Variants in SMARCB1 observed in about 807,000 individuals in gnomAD.
SMARCB1 encodes SWI/SNF related BAF chromatin remodeling complex subunit B1.
Under a neutral mutation model 49.0 loss-of-function variants are expected in SMARCB1, and 5 were observed. The ratio of observed to expected loss-of-function variants is 0.10; its 90% CI spans 0.05 to 0.21. The LOEUF (loss-of-function observed/expected upper bound fraction) is 0.21. SMARCB1 is among the 10% of genes least tolerant of loss of function. The pLI, the probability that SMARCB1 is intolerant of heterozygous loss-of-function variation, is 1.00. For synonymous variants in SMARCB1, 201 were observed against 200.1 expected, an observed-to-expected ratio of 1.00 and a Z score of -0.04; for missense variants, 226 against 509.2, an observed-to-expected ratio of 0.44 and a Z score of 5.35.
Position 23,791,749 on chromosome 22 carries a change from C to T in SMARCB1, c.94-7C>T. On this transcript the variant is annotated splice_region_variant and splice_polypyrimidine_tract_variant and intron_variant, in intron 1 of 8. Transcript: ENST00000644036. Reference sequence around the variant, plus strand: ...CCTTATAATGAGCCTTCTTGCTTTACTCATAGGTGGGAAACTACCTCCGTA... The same window carrying T: ...CCTTATAATGAGCCTTCTTGCTTTATTCATAGGTGGGAAACTACCTCCGTA... 1 of 1,613,754 alleles carries T rather than the reference C, an allele frequency of 6.2e-7. No homozygotes were observed. Among genetic ancestry groups the T allele is most frequent in the Non-Finnish European group, 8.5e-7 (1 of 1,179,806 alleles).
chr22:23,792,943 G>C (rs1267139483), intron 2 of SMARCB1: 1 of 172,452 alleles, frequency 5.8e-6, no homozygotes, highest in African/African-American at 2.4e-5. Context: ...CCACAGACAG[G>C]TAGCTCTTGA....
chr22:23,796,599 G>A (rs1393975155), intron 3 of SMARCB1, among the ~76,000 whole-genome samples: 1 of 152,224 alleles, frequency 6.6e-6, no homozygotes, highest in African/African-American at 2.4e-5. Context: ...ACAGACGTGT[G>A]CTTTGCAGAT....
rs57388034 is a variant in SMARCB1 at position 23,835,345 on chromosome 22, A to G, written c.*1165A>G. On this transcript the variant is annotated 3_prime_UTR_variant, in exon 9 of 9. Coordinates refer to ENST00000644036, the MANE Select transcript of SMARCB1 (RefSeq NM_003073.5). ...GGGCACAGATCCGGGCACAGATCCC[A>G]GCACAGACTGCTGCCACCCTCAGCT... 0.014 allele frequency: 14,318 copies of G among 997,594 alleles called. 1,572 individuals carry two copies. In the African/African-American group the frequency reaches 0.23, roughly 16 times the overall value. The allele number at this position is 997,594 out of a possible 1,614,324, so 61.8% of individuals were successfully genotyped here. A position where few individuals can be genotyped will look rare whatever the true frequency, so the allele number is the denominator to read the frequency against.
chr22:23,823,445 A>G (rs9612473), intron 6 of SMARCB1: 18,862 of 152,330 alleles, frequency 0.12, 1,258 homozygotes, highest in South Asian at 0.27. Flanking sequence ...GGAGATAGCA[A>G]AGGACATGGG....
chr22:23,793,365 C>T, intron 2 of SMARCB1, 194 bp from the exon 3 acceptor site: 1 of 707,084 alleles, frequency 1.4e-6, no homozygotes, highest in East Asian at 2.6e-5. Context: ...AGGCTCTACC[C>T]AGCAGGACTT....
chr22:23,794,900 A>G (rs1259637547), intron 3 of SMARCB1, among the ~76,000 whole-genome samples: 1 of 152,186 alleles, frequency 6.6e-6, no homozygotes, highest in Admixed American at 6.5e-5. Flanking sequence ...CTCCACCTCA[A>G]AAAAAACAAA....
In SMARCB1 at chr22:23,786,971, C is replaced by T; in HGVS notation, c.-199C>T. On this transcript the variant is annotated 5_prime_UTR_variant, in exon 1 of 9. Coordinates refer to ENST00000644036, the MANE Select transcript of SMARCB1 (RefSeq NM_003073.5). Reference sequence around the variant, plus strand: ...GCGCGCGCGTCAGCGTCAACGCCAGCGCCTGCGCACTGAGGGCGGCCTGGT... The same window carrying T: ...GCGCGCGCGTCAGCGTCAACGCCAGTGCCTGCGCACTGAGGGCGGCCTGGT... 2 of 477,404 alleles carry T rather than the reference C, an allele frequency of 4.2e-6. No individual in the cohort carries two copies. Among genetic ancestry groups the T allele is most frequent in the Non-Finnish European group, 7.4e-6 (2 of 271,700 alleles). The allele number at this position is 477,404 out of a possible 1,614,324, so 29.6% of individuals were successfully genotyped here. A position where few individuals can be genotyped will look rare whatever the true frequency, so the allele number is the denominator to read the frequency against.
intron 5 of SMARCB1, among the ~76,000 whole-genome samples, chr22:23,810,656 G>A (rs182413964): frequency 6.6e-6 from 1 of 152,178 alleles, no homozygotes; most frequent in East Asian, 1.9e-4. Context: ...CTCTCCTCTT[G>A]GGTTTAACAA....
intron 2 of SMARCB1, 90 bp from the exon 3 acceptor site, chr22:23,793,469 G>A: frequency 1.4e-6 from 2 of 1,382,866 alleles, no homozygotes; most frequent in South Asian, 1.2e-5. Flanking sequence ...CCTCCCGCAT[G>A]CGAGGACCTT....
At chr22:23,817,265 A>C in intron 6 of SMARCB1, 1 of 454,252 alleles carries the variant, frequency 2.2e-6, no homozygotes, top group East Asian at 4.1e-5. Flanking sequence ...TAGTAACCCA[A>C]TAAGATGCTG....
chr22:23,837,242 CTGGTGGCCCTGCAGGCCCCACAGCA>C lies in SMARCB1; in HGVS notation c.*3065_*3089del. ...CCTGCCCCAGGCCCCCATCCACAGC[CTGGTGGCCCTGCAGGCCCCACAGCA>C]TGAGTGCCCCAAAGCCTTGCACAGA... On this transcript the variant is annotated 3_prime_UTR_variant, in exon 9 of 9. Coordinates refer to ENST00000644036, the MANE Select transcript of SMARCB1 (RefSeq NM_003073.5). 1 of 1,501,692 alleles carries C rather than the reference CTGGTGGCCCTGCAGGCCCCACAGCA, an allele frequency of 6.7e-7. No individual in the cohort carries two copies. Among genetic ancestry groups the C allele is most frequent in the Non-Finnish European group, 9.0e-7 (1 of 1,105,058 alleles). The allele number at this position is 1,501,692 out of a possible 1,614,324, so 93.0% of individuals were successfully genotyped here.
chr22:23,837,439 C>G lies in SMARCB1; in HGVS notation c.*3259C>G, dbSNP rs530356685. 4.6e-6 allele frequency: 3 copies of G among 646,860 alleles called. No individual in the cohort carries two copies. The highest frequency in any genetic ancestry group is 1.8e-5 in the African/African-American group (1 of 54,778). 40.1% of individuals were successfully genotyped at this position (646,860 alleles called of 1,614,324 possible). On this transcript the variant is annotated 3_prime_UTR_variant, in exon 9 of 9. Coordinates refer to ENST00000644036, the MANE Select transcript of SMARCB1 (RefSeq NM_003073.5). ...CTCCCATCCTCACTCCCATCAGGAC[C>G]GTGCAAGCATCAGTAGATCCGTCCT...
chr22:23,804,340 G>C (rs1929360329), intron 5 of SMARCB1: 1 of 152,018 alleles, frequency 6.6e-6, no homozygotes, highest in African/African-American at 2.4e-5. Flanking sequence ...AAATAGCTAG[G>C]AATACAGGTG....
chr22:23,798,675 A>G (rs1259045942), intron 3 of SMARCB1, among the ~76,000 whole-genome samples: 4 of 152,072 alleles, frequency 2.6e-5, no homozygotes, highest in Admixed American at 2.6e-4. Context: ...GGTCTTGGCC[A>G]TTGCTTCTGC....
intron 5 of SMARCB1, chr22:23,816,394 C>T: frequency 2.5e-6 from 1 of 401,222 alleles, no homozygotes; most frequent in Non-Finnish European, 4.7e-6. Flanking sequence ...ACGTCTGCCA[C>T]CAGTTCAGCA....
intron 2 of SMARCB1, 68 bp from the exon 3 acceptor site, chr22:23,793,491 T>A: frequency 1.3e-6 from 2 of 1,565,552 alleles, no homozygotes; most frequent in Non-Finnish European, 1.8e-6. Flanking sequence ...ATGTGCTGCA[T>A]CCACTTGGCT....
At chr22:23,811,808 G>A (rs1279516699) in intron 5 of SMARCB1, among the ~76,000 whole-genome samples, 2 of 152,164 alleles carry the variant, frequency 1.3e-5, no homozygotes, top group African/African-American at 4.8e-5. Flanking sequence ...AAAACCAAAG[G>A]AAGCAGAAGG....
At position 23,816,909 on chromosome 22, in the gene SMARCB1, C is replaced by T. The variant is rs755629084; in HGVS notation, c.768C>T (p.Asp256=). ...ACCCCACGGACAGCATCCTGGAGGA[C>T]CAGTCAGACCAGCGCGTCATCATCA... ...ESYPTDSILE[D]QSDQRVIIKL... is the part of the protein sequence containing the mutation. Residue 256 remains aspartate (D), a synonymous_variant, in exon 6 of 9, where the codon GAC becomes GAT. Coordinates refer to ENST00000644036, the MANE Select transcript of SMARCB1 (RefSeq NM_003073.5). 1.2e-6 allele frequency: 2 copies of T among 1,614,070 alleles called. No homozygotes were observed. Among genetic ancestry groups the T allele is most frequent in the South Asian group, 1.1e-5 (1 of 91,084 alleles).
At chr22:23,797,315 A>G (rs1453006113) in intron 3 of SMARCB1, among the ~76,000 whole-genome samples, 1 of 92,812 alleles carries the variant, frequency 1.1e-5, no homozygotes, top group Non-Finnish European at 2.0e-5. Context: ...TTTTATTATT[A>G]TTATTTTTTT....
Sources: gnomAD v4.1 joint callset for allele counts (sites outside exome capture counted in the v4.1 genomes callset) on GRCh38, gnomAD v4.1.1 for gene constraint, MANE v1.5 for transcripts, NCBI Gene and HGNC (gene_info 2026-07-23, HGNC 2026-07-21) for gene names.